GATAD2B: variants seen among roughly 807,000 people sequenced by gnomAD.
GATAD2B encodes the protein GATA zinc finger domain containing 2B.
GATAD2B carries 8 observed loss-of-function variants against 64.3 expected under a neutral mutation model. The observed-to-expected ratio is 0.12, with a 90% CI of 0.07 to 0.22. The LOEUF is 0.22. GATAD2B is among the 10% of genes least tolerant of loss of function. GATAD2B has a pLI of 1.00. For synonymous variants in GATAD2B, 281 were observed against 271.3 expected (o/e 1.04, Z -0.35); for missense variants, 453 against 752.0 (o/e 0.60, Z 4.65).
intron 1 of GATAD2B, among the ~76,000 whole-genome samples, chr1:153,869,730 T>C (rs1033481781): frequency 7.9e-5 from 12 of 152,136 alleles, no homozygotes; most frequent in African/African-American, 2.7e-4. Flanking sequence ...TCCAGGCCCT[T>C]TCAGAAAAGG....
intron 9 of GATAD2B, 68 bp from the exon 10 acceptor site, chr1:153,811,916 G>A: frequency 7.9e-7 from 1 of 1,272,122 alleles, no homozygotes; most frequent in Non-Finnish European, 1.1e-6. Flanking sequence ...GCAAAGATAA[G>A]GGAGTACAGA....
At chr1:153,882,986 G>A (rs1020629549) in intron 1 of GATAD2B, among the ~76,000 whole-genome samples, 1 of 152,148 alleles carries the variant, frequency 6.6e-6, no homozygotes, top group East Asian at 1.9e-4. Context: ...CTTTGCTCTA[G>A]GATCTTTCTC....
At chr1:153,868,704 T>C (rs1297291142) in intron 1 of GATAD2B, among the ~76,000 whole-genome samples, 3 of 151,624 alleles carry the variant, frequency 2.0e-5, no homozygotes, top group Non-Finnish European at 2.9e-5. Flanking sequence ...TATTCACATG[T>C]CACCAGTTTT....
At chr1:153,869,182 C>A (rs192372529) in intron 1 of GATAD2B, among the ~76,000 whole-genome samples, 1 of 151,264 alleles carries the variant, frequency 6.6e-6, no homozygotes, top group Non-Finnish European at 1.5e-5. Flanking sequence ...GTCCCAGCTA[C>A]TTGAGAGGCT....
intron 1 of GATAD2B, among the ~76,000 whole-genome samples, chr1:153,846,932 A>G (rs1308781012): frequency 3.3e-5 from 5 of 152,092 alleles, no homozygotes; most frequent in Non-Finnish European, 5.9e-5. Flanking sequence ...AGTTCCAACG[A>G]ATTAGTCATG....
At chr1:153,892,474 C>T (rs914099849) in intron 1 of GATAD2B, among the ~76,000 whole-genome samples, 6 of 152,070 alleles carry the variant, frequency 3.9e-5, no homozygotes, top group Non-Finnish European at 8.8e-5. Flanking sequence ...TCATCACTCA[C>T]CTAGAACTCT....
At chr1:153,852,231 G>A (rs1290265957) in intron 1 of GATAD2B, 2 of 1,191,264 alleles carry the variant, frequency 1.7e-6, no homozygotes, top group Non-Finnish European at 2.5e-6. Context: ...GGGGCATGTT[G>A]TTAACAAGAA....
chr1:153,821,718 C>T (rs929733932), intron 2 of GATAD2B, among the ~76,000 whole-genome samples: 4 of 151,874 alleles, frequency 2.6e-5, no homozygotes, highest in Non-Finnish European at 4.4e-5. Context: ...TACCCGGCAC[C>T]GCGCCTGGCT....
chr1:153,868,595 A>C (rs1451616755), intron 1 of GATAD2B, among the ~76,000 whole-genome samples: 1 of 152,158 alleles, frequency 6.6e-6, no homozygotes, highest in Non-Finnish European at 1.5e-5. Context: ...CAGAAGTTTC[A>C]AATATTCTTC....
chr1:153,854,070 A>C (rs1299796364), intron 1 of GATAD2B, among the ~76,000 whole-genome samples: 1 of 152,028 alleles, frequency 6.6e-6, no homozygotes, highest in Non-Finnish European at 1.5e-5. Flanking sequence ...TGCATTTCTA[A>C]CTCTGTTCCA....
chr1:153,868,998 C>T (rs1024340538), intron 1 of GATAD2B, among the ~76,000 whole-genome samples: 1 of 152,046 alleles, frequency 6.6e-6, no homozygotes, highest in African/African-American at 2.4e-5. Context: ...TTTTAGCATA[C>T]AAAGACAATT....
intron 1 of GATAD2B, among the ~76,000 whole-genome samples, chr1:153,919,050 ATTTC>A (rs1274911259): frequency 6.6e-6 from 1 of 152,182 alleles, no homozygotes; most frequent in African/African-American, 2.4e-5. Flanking sequence ...ATTTCCCTTA[ATTTC>A]TTTAGCAGTT....
chr1:153,897,253 T>A (rs1052150825), intron 1 of GATAD2B, among the ~76,000 whole-genome samples: 1 of 151,946 alleles, frequency 6.6e-6, no homozygotes, highest in African/African-American at 2.4e-5. Context: ...ATGGTCTCGA[T>A]CTCCTGACCT....
At chr1:153,895,423 G>A (rs1411938224) in intron 1 of GATAD2B, among the ~76,000 whole-genome samples, 2 of 151,294 alleles carry the variant, frequency 1.3e-5, no homozygotes, top group South Asian at 4.2e-4. Flanking sequence ...GGTACAAGAG[G>A]TACAGAACCA....
intron 1 of GATAD2B, among the ~76,000 whole-genome samples, chr1:153,879,262 A>C (rs1236218761): frequency 6.6e-6 from 1 of 150,868 alleles, no homozygotes; most frequent in Non-Finnish European, 1.5e-5. Context: ...TTTAGTAGAG[A>C]TAGGGTTTCA....
chr1:153,917,805 G>A (rs1212488831), intron 1 of GATAD2B, among the ~76,000 whole-genome samples: 2 of 152,124 alleles, frequency 1.3e-5, no homozygotes, highest in South Asian at 2.1e-4. Context: ...GAACCAATAG[G>A]CAATAAATGT....
intron 1 of GATAD2B, among the ~76,000 whole-genome samples, chr1:153,893,029 T>C (rs1292614301): frequency 1.3e-5 from 2 of 152,070 alleles, no homozygotes; most frequent in African/African-American, 2.4e-5. Flanking sequence ...GAAGAAAATA[T>C]TCATGCAGAG....
Position 153,816,326 on chromosome 1 carries a change from A to T in GATAD2B, c.1163T>A (p.Phe388Tyr). The T allele has an allele frequency of 6.2e-7, 1 of 1,614,014 alleles. No individual in the cohort carries two copies. ...TTCTTCCAAGCCTACCATGTAGATG[A>T]ACTCGCTATTGGCTGCACTAGGCAA... Reference protein sequence around the residue: ...HFLPSAANSEFIYMVGLEEVV... With the variant: ...HFLPSAANSEYIYMVGLEEVV... The change falls in exon 7 of 11, where the codon TTC becomes TAC. Residue 388 changes from phenylalanine (F) to tyrosine (Y), a missense_variant. Coordinates refer to ENST00000368655, the MANE Select transcript of GATAD2B (RefSeq NM_020699.4). This position sits in a 1 kb window ranked among gnomAD's most constrained non-coding sequence, Gnocchi z 4.9.
intron 1 of GATAD2B, among the ~76,000 whole-genome samples, chr1:153,910,395 C>T (rs182507600): frequency 1.0e-3 from 158 of 152,244 alleles, no homozygotes; most frequent in African/African-American, 3.7e-3. Flanking sequence ...TGGTTTACAC[C>T]TTTGGTATAA....
Sources: gnomAD v4.1 joint callset for allele counts (sites outside exome capture counted in the v4.1 genomes callset) on GRCh38, gnomAD v4.1.1 for gene constraint, Gnocchi (gnomAD v3.1) non-coding constraint, MANE v1.5 for transcripts, NCBI Gene and HGNC (gene_info 2026-07-23, HGNC 2026-07-21) for gene names.